Variants in PLEKHG4B observed in about 807,000 individuals in gnomAD.
PLEKHG4B encodes the protein pleckstrin homology and RhoGEF domain containing G4B, also known as pleckstrin homology domain-containing family G member 4B.
Under a neutral mutation model 121.3 loss-of-function variants are expected in PLEKHG4B, and 111 were observed. That is an observed-to-expected ratio of 0.92 (90% CI 0.78 to 1.07). The LOEUF is 1.07. Ranked by LOEUF, PLEKHG4B falls within the 50% of genes least tolerant of loss-of-function variation. The probability of loss-of-function intolerance (pLI) is 0.00; values close to 1 mark genes in which losing one functional copy is unlikely to be tolerated. For missense variants in PLEKHG4B, 1,831 were observed against 1,757.8 expected (o/e 1.04, Z -0.74); for synonymous variants, 738 against 725.0 (o/e 1.02, Z -0.29).
At chr5:94,756 G>A (rs1336160396) in intron 1 of PLEKHG4B, among the ~76,000 whole-genome samples, 2 of 151,986 alleles carry the variant, frequency 1.3e-5, no homozygotes, top group South Asian at 2.1e-4. Context: ...TCCAGACCCC[G>A]ATCTTTTGTC....
chr5:125,144 G>A (rs186513914), intron 2 of PLEKHG4B, among the ~76,000 whole-genome samples: 3 of 152,060 alleles, frequency 2.0e-5, no homozygotes, highest in African/African-American at 7.2e-5. Flanking sequence ...AATCAATTTT[G>A]CCAGTTTCTG....
At chr5:128,456 C>T (rs113711643) in intron 2 of PLEKHG4B, among the ~76,000 whole-genome samples, 15 of 152,260 alleles carry the variant, frequency 9.9e-5, no homozygotes, top group South Asian at 4.1e-4. Flanking sequence ...AAAATCAGAG[C>T]TTAGTCCTCA....
chr5:127,890 A>G (rs1195595319), intron 2 of PLEKHG4B, among the ~76,000 whole-genome samples: 2 of 152,228 alleles, frequency 1.3e-5, no homozygotes, highest in Non-Finnish European at 2.9e-5. Flanking sequence ...GACATCAATC[A>G]AATAAATTTA....
chr5:180,247 G>A (rs1443213370), intron 18 of PLEKHG4B, among the ~76,000 whole-genome samples: 1 of 152,134 alleles, frequency 6.6e-6, no homozygotes, highest in East Asian at 1.9e-4. Flanking sequence ...TGCACTCCGG[G>A]GAGGGACTGC....
In PLEKHG4B at chr5:140,287, C is replaced by G; in HGVS notation, c.1048C>G (p.Arg350Gly). 6.8e-7 allele frequency: 1 copy of G among 1,476,226 alleles called. No individual in the cohort carries two copies. Among genetic ancestry groups the G allele is most frequent in the East Asian group, 2.4e-5 (1 of 40,928 alleles). The allele number at this position is 1,476,226 out of a possible 1,614,324, so 91.4% of individuals were successfully genotyped here. ...GGACCCCACTTGTGTGCAGCCTAGA[C>G]GCTGGTTCAGGGAGTCGTACATGGA... ...PGDPTCVQPR[R>G]WFRESYMEAL... Residue 350 changes from arginine to glycine, a missense_variant, in exon 3 of 20, where the codon CGC (arginine) becomes GGC (glycine). By Grantham distance (125) the Arg-to-Gly change is moderately radical (BLOSUM62 -2). Transcript: ENST00000637938.
Position 142,572 on chromosome 5 carries a change from C to G in PLEKHG4B, c.1478-475C>G, listed in dbSNP as rs560931435. ...AAATACCACACACACAGTCACACAC[C>G]ACACGCAGTCACATGCCTCACACAA... On this transcript the variant is annotated intron_variant, in intron 3 of 19. Transcript: ENST00000637938. Among the ~76,000 whole-genome samples, 423 of 151,990 alleles carry G rather than the reference C, an allele frequency of 2.8e-3. 4 individuals are homozygous for G. Among genetic ancestry groups the G allele is most frequent in the African/African-American group, 9.7e-3 (400 of 41,440 alleles).
intron 2 of PLEKHG4B, among the ~76,000 whole-genome samples, chr5:114,166 G>A (rs777165235): frequency 1.3e-5 from 2 of 152,154 alleles, no homozygotes; most frequent in Non-Finnish European, 2.9e-5. Context: ...TAATGTTGAT[G>A]GCTGCTGACT....
intron 7 of PLEKHG4B, among the ~76,000 whole-genome samples, chr5:152,043 G>A (rs1437797779): frequency 6.6e-6 from 1 of 152,180 alleles, no homozygotes; most frequent in Non-Finnish European, 1.5e-5. Flanking sequence ...TATGAAGTGT[G>A]TTAATTTTCC....
chr5:182,686 C>T lies in PLEKHG4B; in HGVS notation c.*363C>T. 1 of 262,710 alleles carries T rather than the reference C, an allele frequency of 3.8e-6. No individual in the cohort carries two copies. The allele number at this position is 262,710 out of a possible 1,614,324, so 16.3% of individuals were successfully genotyped here. A position where few individuals can be genotyped will look rare whatever the true frequency, so the allele number is the denominator to read the frequency against. On this transcript the variant is annotated 3_prime_UTR_variant, in exon 20 of 20. Transcript: ENST00000637938. The stretch of plus-strand genomic sequence containing the variant: ...GAGAGACAGGAAAACGGGAGGTGAG[C>T]CCGGTGATGGCCTCAGACCTCCCTC...
chr5:137,467 C>T lies in PLEKHG4B; in HGVS notation c.244-2016C>T, dbSNP rs565269005. Among the ~76,000 whole-genome samples the T allele has an allele frequency of 6.6e-6, 1 of 152,316 alleles. No homozygotes were observed. Among genetic ancestry groups the T allele is most frequent in the South Asian group, 2.1e-4 (1 of 4,824 alleles). On this transcript the variant is annotated intron_variant, in intron 2 of 19. Coordinates refer to ENST00000637938, the MANE Select transcript of PLEKHG4B (RefSeq NM_052909.5). The surrounding 1 kb of genome is among the most constrained non-coding windows in gnomAD (Gnocchi z 4.2). Reference sequence around the variant, plus strand: ...CCTCCCCACAGTCTCTGACTTCCCTCCTGCTCTGGGCTGTGCCACTGCCTT... The same window carrying T: ...CCTCCCCACAGTCTCTGACTTCCCTTCTGCTCTGGGCTGTGCCACTGCCTT...
chr5:107,020 A>G (rs1459363199), intron 1 of PLEKHG4B, among the ~76,000 whole-genome samples: 9 of 152,252 alleles, frequency 5.9e-5, no homozygotes, highest in Non-Finnish European at 1.2e-4. Context: ...CAGTGCAGAC[A>G]TGGGAAGAGG....
At chr5:104,706 CAG>C (rs1183756732) in intron 1 of PLEKHG4B, among the ~76,000 whole-genome samples, 1 of 152,244 alleles carries the variant, frequency 6.6e-6, no homozygotes, top group African/African-American at 2.4e-5. Context: ...TGGCCTCAGG[CAG>C]AGTCTCTGAT....
chr5:110,694 C>T (rs970386462), intron 1 of PLEKHG4B, among the ~76,000 whole-genome samples: 1 of 151,792 alleles, frequency 6.6e-6, no homozygotes, highest in African/African-American at 2.4e-5. Context: ...CTGCAGCACA[C>T]GTGCACACAT....
Position 123,452 on chromosome 5 carries a change from A to G in PLEKHG4B, c.243+10004A>G, listed in dbSNP as rs560083852. 2.0e-3 allele frequency among the ~76,000 whole-genome samples: 301 copies of G among 152,234 alleles called. 3 individuals carry two copies. The highest frequency in any genetic ancestry group is 1.3e-3 in the Non-Finnish European group (91 of 67,986). On this transcript the variant is annotated intron_variant, in intron 2 of 19. Transcript: ENST00000637938. ...TTGGAAAAATTAGAGAAGGGGTGGT[A>G]TTCTTCTTTAAATGTTTGGTAAAAT...
chr5:172,441 G>A (rs1372957011), intron 16 of PLEKHG4B, among the ~76,000 whole-genome samples: 3 of 152,218 alleles, frequency 2.0e-5, no homozygotes, highest in Admixed American at 6.5e-5. Flanking sequence ...GATTCCCAGG[G>A]GCTATTTAGT....
chr5:114,026 CTAAG>C (rs1197671771), intron 2 of PLEKHG4B, among the ~76,000 whole-genome samples: 3 of 152,214 alleles, frequency 2.0e-5, no homozygotes, highest in Non-Finnish European at 4.4e-5. Context: ...ACACTATAGT[CTAAG>C]TGTGCAGTAG....
At chr5:135,491 C>G (rs1347465239) in intron 2 of PLEKHG4B, among the ~76,000 whole-genome samples, 6 of 149,132 alleles carry the variant, frequency 4.0e-5, no homozygotes, top group Non-Finnish European at 8.9e-5. Flanking sequence ...CAGTGAAACC[C>G]TGTCTCTACT....
In PLEKHG4B at chr5:189,811, A is replaced by G. The variant is rs1200730305; in HGVS notation, c.*7488A>G. On this transcript the variant is annotated 3_prime_UTR_variant, in exon 20 of 20. Coordinates refer to ENST00000637938, the MANE Select transcript of PLEKHG4B (RefSeq NM_052909.5). ...CAGTGACAGCAGGGTGTTGGGCCAC[A>G]CAGAGCCCGAGTAGGTAAAGGAAGG... 1 of 152,156 alleles carries G rather than the reference A, an allele frequency of 6.6e-6. No individual in the cohort carries two copies. Among genetic ancestry groups the G allele is most frequent in the Non-Finnish European group, 1.5e-5 (1 of 68,030 alleles). 9.4% of individuals were successfully genotyped at this position (152,156 alleles called of 1,614,324 possible). A position where few individuals can be genotyped will look rare whatever the true frequency, so the allele number is the denominator to read the frequency against.
chr5:161,901 G>A lies in PLEKHG4B; in HGVS notation c.2606G>A (p.Gly869Glu). 6.2e-7 allele frequency: 1 copy of A among 1,613,472 alleles called. No individual in the cohort carries two copies. The highest frequency in any genetic ancestry group is 8.5e-7 in the Non-Finnish European group (1 of 1,179,992). ...GTCAGCCAGGCTGAGTGCAGGGAGG[G>A]AGAGCTGGCCAGGTGGACCCGCTCG... ...AVVSQAECRE[G>E]ELARWTRSSE... Residue 869 changes from glycine (G) to glutamate (E), a missense_variant, in exon 12 of 20, where the codon GGA becomes GAA. By Grantham distance (98) the Gly-to-Glu change is moderately conservative. Transcript: ENST00000637938.
Sources: gnomAD v4.1 joint callset for allele counts (sites outside exome capture counted in the v4.1 genomes callset) on GRCh38, gnomAD v4.1.1 for gene constraint, Gnocchi (gnomAD v3.1) non-coding constraint, MANE v1.5 for transcripts, NCBI Gene and HGNC (gene_info 2026-07-23, HGNC 2026-07-21) for gene names.